Variants in SCLT1 observed in about 807,000 individuals in gnomAD.
SCLT1 encodes sodium channel and clathrin linker 1, also known as sodium channel-associated protein 1.
In SCLT1, 78 loss-of-function variants were observed where a neutral mutation model predicts 112.8. That is an observed-to-expected ratio of 0.69 (90% CI 0.58 to 0.83). The LOEUF (loss-of-function observed/expected upper bound fraction) is 0.83, where lower values mean the gene tolerates loss of function less well. Among genes scored for constraint, SCLT1 ranks in the 40% least tolerant of loss-of-function variants. SCLT1 has a pLI of 0.00. For synonymous variants in SCLT1, 257 were observed against 254.7 expected (o/e 1.01, Z -0.09); for missense variants, 747 against 770.4 (o/e 0.97, Z 0.36).
Position 129,068,814 on chromosome 4 carries a change from T to C in SCLT1, c.102+13492A>G, listed in dbSNP as rs140745974. On this transcript the variant is annotated intron_variant, in intron 2 of 20. Transcript: ENST00000281142. ...TATTTATCTTTGTTTTTAATTGCAT[T>C]TGCTTTTGGGTTCTTGGTCATGAAA... Among the ~76,000 whole-genome samples the C allele has an allele frequency of 1.0e-3, 152 of 152,348 alleles. 6 individuals carry two copies. The East Asian group carries it at 0.028, about 28-fold the overall frequency.
chr4:128,898,331 C>A (rs1733963760), intron 18 of SCLT1, among the ~76,000 whole-genome samples: 1 of 152,198 alleles, frequency 6.6e-6, no homozygotes, highest in South Asian at 2.1e-4. Flanking sequence ...GTCTCTCAGA[C>A]CACAGTGCAA....
chr4:129,053,044 G>A (rs921465000), intron 2 of SCLT1, among the ~76,000 whole-genome samples: 2 of 152,204 alleles, frequency 1.3e-5, no homozygotes, highest in Non-Finnish European at 2.9e-5. Context: ...GGTTTTGAGT[G>A]AGTTTCTTGA....
chr4:129,055,018 T>C (rs1749222704), intron 2 of SCLT1, among the ~76,000 whole-genome samples: 1 of 152,206 alleles, frequency 6.6e-6, no homozygotes, highest in Non-Finnish European at 1.5e-5. Context: ...GTCAGTCCCC[T>C]CTTCTACAGG....
Position 128,924,571 on chromosome 4 carries a change from C to T in SCLT1, c.1829+12084G>A, listed in dbSNP as rs557164384. ...ACAGGCATGAGCCACTGCCCCTGGC[C>T]AGAAGTTTTTAATTTAATATAGTCC... On this transcript the variant is annotated intron_variant, in intron 18 of 20. Coordinates refer to ENST00000281142, the MANE Select transcript of SCLT1 (RefSeq NM_144643.4). 2.2e-4 allele frequency among the ~76,000 whole-genome samples: 33 copies of T among 152,140 alleles called. No individual in the cohort carries two copies. In the South Asian group the frequency reaches 2.9e-3, roughly 13 times the overall value.
At chr4:128,906,326 T>C (rs538950190) in intron 18 of SCLT1, among the ~76,000 whole-genome samples, 1 of 152,218 alleles carries the variant, frequency 6.6e-6, no homozygotes, top group African/African-American at 2.4e-5. Context: ...GCCTCCCAAG[T>C]AGCTGGGATT....
At chr4:128,957,488 T>C (rs1318589338) in intron 12 of SCLT1, among the ~76,000 whole-genome samples, 2 of 152,168 alleles carry the variant, frequency 1.3e-5, no homozygotes, top group Non-Finnish European at 2.9e-5. Context: ...TCTCTCTCTT[T>C]CCATTATTTA....
intron 5 of SCLT1, among the ~76,000 whole-genome samples, chr4:129,012,781 C>T (rs113800093): frequency 2.5e-4 from 20 of 80,310 alleles, no homozygotes; most frequent in African/African-American, 5.3e-4. Context: ...TATGTAATGC[C>T]ATTTCTTTTT....
chr4:129,006,047 A>G (rs989418561), intron 5 of SCLT1, among the ~76,000 whole-genome samples: 1 of 147,880 alleles, frequency 6.8e-6, no homozygotes, highest in Non-Finnish European at 1.5e-5. Flanking sequence ...GGATAGCATT[A>G]GGAGATATAC....
intron 7 of SCLT1, 87 bp downstream of exon 7, chr4:128,999,585 A>C: frequency 1.2e-6 from 1 of 829,352 alleles, no homozygotes; most frequent in Non-Finnish European, 1.9e-6. Flanking sequence ...GCTATAGGGT[A>C]GAGTCTTAAG....
rs550012318 is a variant in SCLT1, at chr4:128,990,077, G to A, written c.686+2090C>T. Among the ~76,000 whole-genome samples the A allele has an allele frequency of 4.6e-5, 7 of 151,816 alleles. No homozygotes were observed. In the South Asian group the frequency reaches 1.5e-3, roughly 32 times the overall value. On this transcript the variant is annotated intron_variant, in intron 9 of 20. Coordinates refer to ENST00000281142, the MANE Select transcript of SCLT1 (RefSeq NM_144643.4). Reference sequence around the variant, plus strand: ...TAACTATTCCAAAAAATTGTGAAAGGAATACTTCCAAACTTATTCTATGAA... The same window carrying A: ...TAACTATTCCAAAAAATTGTGAAAGAAATACTTCCAAACTTATTCTATGAA...
intron 8 of SCLT1, among the ~76,000 whole-genome samples, chr4:128,997,452 G>C (rs932182070): frequency 6.6e-6 from 1 of 151,882 alleles, no homozygotes; most frequent in Non-Finnish European, 1.5e-5. Context: ...GAAACTTATA[G>C]GGAAATTTAG....
chr4:129,020,594 A>G (rs1315094701), intron 5 of SCLT1, among the ~76,000 whole-genome samples: 2 of 152,214 alleles, frequency 1.3e-5, no homozygotes, highest in Non-Finnish European at 2.9e-5. Flanking sequence ...GCAGCTACAT[A>G]GAGGGGTACC....
intron 18 of SCLT1, among the ~76,000 whole-genome samples, chr4:128,904,038 A>T (rs1734513403): frequency 6.6e-6 from 1 of 152,162 alleles, no homozygotes; most frequent in African/African-American, 2.4e-5. Context: ...CCTATCAGAG[A>T]TGATTTAAGT....
At chr4:129,025,531 A>C (rs1162061632) in intron 5 of SCLT1, among the ~76,000 whole-genome samples, 2 of 152,058 alleles carry the variant, frequency 1.3e-5, no homozygotes, top group Non-Finnish European at 2.9e-5. Context: ...GCCTGCCCTA[A>C]AAGAGCTCCT....
downstream of SCLT1, among the ~76,000 whole-genome samples, chr4:128,880,752 A>G (rs1560795661): frequency 6.6e-6 from 1 of 152,186 alleles, no homozygotes; most frequent in Admixed American, 6.5e-5. Flanking sequence ...ACCCTGAAAA[A>G]TATTATATAT....
chr4:129,061,696 C>T (rs570041343), intron 2 of SCLT1, among the ~76,000 whole-genome samples: 99 of 152,014 alleles, frequency 6.5e-4, no homozygotes, highest in Non-Finnish European at 1.3e-3. Flanking sequence ...AGAGTAGTTC[C>T]ACCTCTGCCT....
At chr4:129,039,940 G>C in intron 4 of SCLT1, 2 of 446,836 alleles carry the variant, frequency 4.5e-6, no homozygotes, top group Non-Finnish European at 8.3e-6. Context: ...ACAAAACCCT[G>C]AATTTACATG....
chr4:129,060,711 T>G (rs1749888552), intron 2 of SCLT1, among the ~76,000 whole-genome samples: 1 of 152,158 alleles, frequency 6.6e-6, no homozygotes, highest in Non-Finnish European at 1.5e-5. Context: ...CTCCTATATT[T>G]AATTTCACCA....
chr4:128,876,637 C>T (rs1394365451), intron 3 of SCLT1: 1 of 152,182 alleles, frequency 6.6e-6, no homozygotes, highest in Non-Finnish European at 1.5e-5. Context: ...CTTTGATTGT[C>T]TGGTCATTGA....
Sources: allele counts gnomAD v4.1 joint callset (sites outside exome capture counted in the v4.1 genomes callset), GRCh38; gene constraint gnomAD v4.1.1; transcripts MANE v1.5; gene names NCBI Gene and HGNC (gene_info 2026-07-23, HGNC 2026-07-21).